TLK1: variants seen among roughly 807,000 people sequenced by gnomAD.
TLK1 encodes tousled like kinase 1, also known as serine/threonine-protein kinase tousled-like 1.
TLK1 carries 24 observed loss-of-function variants against 105.3 expected under a neutral mutation model. That is an observed-to-expected ratio of 0.23 (90% CI 0.17 to 0.32). The LOEUF (loss-of-function observed/expected upper bound fraction) is 0.32, where lower values mean the gene tolerates loss of function less well. Ranked by LOEUF, TLK1 falls within the 10% of genes least tolerant of loss-of-function variation. The pLI is 1.00. For synonymous variants in TLK1, 321 were observed against 310.4 expected (o/e 1.03, Z -0.36); for missense variants, 558 against 910.5 (o/e 0.61, Z 4.98).
chr2:171,097,444 T>C (rs1335819707), intron 2 of TLK1, among the ~76,000 whole-genome samples: 3 of 152,242 alleles, frequency 2.0e-5, no homozygotes, highest in South Asian at 2.1e-4. Context: ...CCCAAAAATA[T>C]AGGCAACAAA....
chr2:171,098,643 G>A (rs10198197), intron 2 of TLK1, among the ~76,000 whole-genome samples: 60,549 of 151,952 alleles, frequency 0.4, 13,646 homozygotes, highest in African/African-American at 0.6. Context: ...AATATTACCT[G>A]ATAGTGAAAC....
At chr2:171,150,420 A>G (rs928481027) in intron 1 of TLK1, among the ~76,000 whole-genome samples, 2 of 152,206 alleles carry the variant, frequency 1.3e-5, no homozygotes, top group Admixed American at 6.5e-5. Flanking sequence ...TCCCTTCCTC[A>G]GGAAAACTAC....
At chr2:171,076,322 T>G (rs1396263850) in intron 3 of TLK1, among the ~76,000 whole-genome samples, 1 of 152,048 alleles carries the variant, frequency 6.6e-6, no homozygotes, top group African/African-American at 2.4e-5. Flanking sequence ...ATTAAAAGGA[T>G]GAGTTGAGTC....
At chr2:171,226,838 A>C (rs148745892) in intron 1 of TLK1, among the ~76,000 whole-genome samples, 1 of 152,308 alleles carries the variant, frequency 6.6e-6, no homozygotes, top group Non-Finnish European at 1.5e-5. Context: ...CTCTTATGTA[A>C]AATAATCAAT....
intron 1 of TLK1, among the ~76,000 whole-genome samples, chr2:171,125,531 C>T (rs4564745): frequency 0.4 from 60,034 of 151,632 alleles, 13,368 homozygotes; most frequent in African/African-American, 0.59. Flanking sequence ...CTCAAAACAC[C>T]GTCAAGCAAT....
At chr2:171,194,722 C>G (rs1337379090) in intron 1 of TLK1, among the ~76,000 whole-genome samples, 2 of 149,124 alleles carry the variant, frequency 1.3e-5, no homozygotes, top group African/African-American at 5.0e-5. Context: ...GAGGCTGAGG[C>G]AGGAGAATGG....
At chr2:171,161,794 G>A (rs984712914), upstream of TLK1, among the ~76,000 whole-genome samples, 1 of 152,190 alleles carries the variant, frequency 6.6e-6, no homozygotes, top group Admixed American at 6.5e-5. Context: ...AAAATTTATA[G>A]ATAGAGTGTA....
At chr2:171,106,920 C>T (rs1689955103) in intron 2 of TLK1, among the ~76,000 whole-genome samples, 1 of 151,976 alleles carries the variant, frequency 6.6e-6, no homozygotes, top group Admixed American at 6.6e-5. Context: ...TTGAATTTTC[C>T]CTATTGTCAC....
intron 1 of TLK1, among the ~76,000 whole-genome samples, chr2:171,180,636 T>C (rs1241792732): frequency 5.9e-5 from 9 of 152,206 alleles, no homozygotes; most frequent in African/African-American, 2.2e-4. Flanking sequence ...GTATTTGCTC[T>C]GTGTGAAGCT....
chr2:171,161,658 A>G (rs965056192), upstream of TLK1, among the ~76,000 whole-genome samples: 1 of 152,246 alleles, frequency 6.6e-6, no homozygotes, highest in African/African-American at 2.4e-5. Flanking sequence ...ACTGAATCAC[A>G]TATTTAGGAA....
intron 1 of TLK1, among the ~76,000 whole-genome samples, chr2:171,226,739 A>G (rs1402739782): frequency 6.6e-6 from 1 of 152,162 alleles, no homozygotes; most frequent in East Asian, 1.9e-4. Context: ...TCATACAAGC[A>G]AAGTGGCAGA....
intron 1 of TLK1, among the ~76,000 whole-genome samples, chr2:171,118,357 C>A (rs540530873): frequency 1.3e-4 from 20 of 152,250 alleles, no homozygotes; most frequent in South Asian, 4.1e-4. Flanking sequence ...TGTAACTATG[C>A]GACATTACCA....
At chr2:171,111,641 TTTTA>T (rs373247619) in intron 2 of TLK1, among the ~76,000 whole-genome samples, 1 of 150,464 alleles carries the variant, frequency 6.6e-6, no homozygotes, top group African/African-American at 2.4e-5. Context: ...GCCAAGACAG[TTTTA>T]CGTGTCTACT....
intron 2 of TLK1, among the ~76,000 whole-genome samples, chr2:171,083,957 T>C (rs1688857921): frequency 6.6e-6 from 1 of 152,224 alleles, no homozygotes; most frequent in East Asian, 1.9e-4. Flanking sequence ...ATAAGGGCAG[T>C]GGCAAAGTGT....
intron 3 of TLK1, among the ~76,000 whole-genome samples, chr2:171,078,096 T>C (rs746401211): frequency 6.6e-6 from 1 of 151,964 alleles, no homozygotes; most frequent in Non-Finnish European, 1.5e-5. Context: ...TCTTCTACTG[T>C]GCCATCTACA....
intron 1 of TLK1, among the ~76,000 whole-genome samples, chr2:171,125,294 T>C (rs1027292911): frequency 1.3e-5 from 2 of 152,226 alleles, no homozygotes; most frequent in African/African-American, 2.4e-5. Context: ...ATGATTAGTC[T>C]AGTTACTTTC....
intron 1 of TLK1, among the ~76,000 whole-genome samples, chr2:171,184,657 AAAG>A (rs1692990730): frequency 1.3e-5 from 2 of 150,052 alleles, no homozygotes; most frequent in African/African-American, 4.9e-5. Flanking sequence ...AAAAAAAAAA[AAAG>A]AAAGAAAACT....
At chr2:171,154,415 A>G (rs569734736) in intron 1 of TLK1, 197 of 149,308 alleles carry the variant, frequency 1.3e-3, no homozygotes, top group African/African-American at 4.6e-3. Flanking sequence ...AGTATAATGG[A>G]AAAAAAAAAC....
chr2:171,153,043 A>C (rs997107709), intron 1 of TLK1, among the ~76,000 whole-genome samples: 12 of 152,062 alleles, frequency 7.9e-5, no homozygotes, highest in Non-Finnish European at 1.5e-4. Flanking sequence ...AAAAGTTAAC[A>C]AAAGTTTAGA....
Sources: gnomAD v4.1 joint callset for allele counts (sites outside exome capture counted in the v4.1 genomes callset) on GRCh38, gnomAD v4.1.1 for gene constraint, MANE v1.5 for transcripts, NCBI Gene and HGNC (gene_info 2026-07-23, HGNC 2026-07-21) for gene names.